NT5C2: variants seen among roughly 807,000 people sequenced by gnomAD.
NT5C2 encodes cytosolic purine 5'-nucleotidase.
A neutral mutation model predicts 76.1 loss-of-function variants in NT5C2; 58 were observed. The observed-to-expected ratio is 0.76, with a 90% CI of 0.62 to 0.95. The LOEUF (loss-of-function observed/expected upper bound fraction) is 0.95, where lower values mean the gene tolerates loss of function less well. Among genes scored for constraint, NT5C2 ranks in the 40% least tolerant of loss-of-function variants. The pLI, the probability that NT5C2 is intolerant of heterozygous loss-of-function variation, is 0.00. For missense variants in NT5C2, 478 were observed against 690.3 expected, an observed-to-expected ratio of 0.69 and a Z score of 3.45; for synonymous variants, 229 against 237.4, an observed-to-expected ratio of 0.96 and a Z score of 0.32.
At chr10:103,174,820 T>C (rs771649586) in intron 3 of NT5C2, 38 bp downstream of exon 3, 53 of 1,323,118 alleles carry the variant, frequency 4.0e-5, no homozygotes, top group Non-Finnish European at 5.1e-5. Context: ...TCCCACTTCA[T>C]AGAGGGGTTT....
chr10:103,128,048 TC>T (rs1565092205), intron 4 of NT5C2, among the ~76,000 whole-genome samples: 4 of 17,538 alleles, frequency 2.3e-4, no homozygotes, highest in Non-Finnish European at 6.5e-4. Context: ...ATCCGGTCTC[TC>T]CCTCTCCCTC....
At chr10:103,162,759 A>C (rs1177329323) in intron 3 of NT5C2, among the ~76,000 whole-genome samples, 1 of 152,180 alleles carries the variant, frequency 6.6e-6, no homozygotes, top group African/African-American at 2.4e-5. Context: ...CATTTATAAC[A>C]GCATTATTCT....
intron 3 of NT5C2, among the ~76,000 whole-genome samples, chr10:103,158,809 C>A: frequency 7.4e-6 from 1 of 136,028 alleles, no homozygotes. Flanking sequence ...CAGAGCGAGA[C>A]TCTTATCTAA....
chr10:103,179,752 T>C (rs946007850), intron 2 of NT5C2, among the ~76,000 whole-genome samples: 2 of 152,224 alleles, frequency 1.3e-5, no homozygotes, highest in South Asian at 4.1e-4. Flanking sequence ...AGGGTTGGCA[T>C]ATAACATCAT....
chr10:103,105,684 G>T (rs757814250), intron 6 of NT5C2, 22 bp downstream of exon 6: 2 of 1,472,762 alleles, frequency 1.4e-6, no homozygotes, highest in Admixed American at 3.4e-5. Flanking sequence ...TTAGAAAGAG[G>T]CTAAAGGTTC....
At chr10:103,172,606 C>A (rs942670215) in intron 3 of NT5C2, among the ~76,000 whole-genome samples, 1 of 151,880 alleles carries the variant, frequency 6.6e-6, no homozygotes, top group African/African-American at 2.4e-5. Context: ...GAGGCTGAGG[C>A]GGGTGGATCA....
chr10:103,119,871 G>A (rs2075299694), intron 4 of NT5C2, among the ~76,000 whole-genome samples: 1 of 152,134 alleles, frequency 6.6e-6, no homozygotes. Flanking sequence ...GGCTGAGGCT[G>A]GTGGACTGCT....
intron 2 of NT5C2, among the ~76,000 whole-genome samples, chr10:103,180,220 T>C (rs1353927922): frequency 6.6e-6 from 1 of 152,194 alleles, no homozygotes; most frequent in Non-Finnish European, 1.5e-5. Flanking sequence ...AATATGCCTA[T>C]TTGAATATTT....
chr10:103,129,900 C>CA (rs2077720723), intron 4 of NT5C2, among the ~76,000 whole-genome samples: 15 of 88,598 alleles, frequency 1.7e-4, no homozygotes, highest in East Asian at 1.0e-3. Context: ...GCCCCCCGCC[C>CA]GGCCAGCCGC....
intron 5 of NT5C2, among the ~76,000 whole-genome samples, chr10:103,106,364 C>CT (rs2071271728): frequency 6.6e-6 from 1 of 152,078 alleles, no homozygotes; most frequent in Non-Finnish European, 1.5e-5. Context: ...GTGGGTCTTC[C>CT]TCAGTTGCAA....
chr10:103,121,100 T>TA (rs1398324007), intron 4 of NT5C2, among the ~76,000 whole-genome samples: 2 of 152,142 alleles, frequency 1.3e-5, no homozygotes, highest in Admixed American at 1.3e-4. Context: ...CAAAATAAAT[T>TA]AGAGGTTACT....
chr10:103,129,945 C>CA (rs1288606727), intron 4 of NT5C2, among the ~76,000 whole-genome samples: 2 of 137,674 alleles, frequency 1.5e-5, no homozygotes, highest in African/African-American at 5.4e-5. Flanking sequence ...GGTCAGCCCC[C>CA]CCGCCCGGCC....
At chr10:103,146,091 AAG>A (rs1424789232) in intron 3 of NT5C2, 2 of 985,310 alleles carry the variant, frequency 2.0e-6, no homozygotes, top group East Asian at 2.3e-4. Context: ...CTAGTTCTTG[AAG>A]TCACATAACA....
chr10:103,184,627 C>CCGGACTGAGTA (rs2091772300), intron 1 of NT5C2, among the ~76,000 whole-genome samples: 1 of 152,122 alleles, frequency 6.6e-6, no homozygotes, highest in African/African-American at 2.4e-5. Flanking sequence ...CACATGGAGC[C>CCGGACTGAGTA]CTTTGCTTTT....
At chr10:103,181,366 AAAC>A (rs2091050330) in intron 1 of NT5C2, 38 bp from the exon 2 acceptor site, 1 of 151,980 alleles carries the variant, frequency 6.6e-6, no homozygotes, top group Non-Finnish European at 1.5e-5. Flanking sequence ...TTCACAGGCA[AAAC>A]ATGCACAGTC....
intron 3 of NT5C2, among the ~76,000 whole-genome samples, chr10:103,163,398 A>G (rs535812892): frequency 1.3e-5 from 2 of 152,296 alleles, no homozygotes; most frequent in African/African-American, 4.8e-5. Flanking sequence ...TTCACGAGCA[A>G]TGTATGAGAA....
chr10:103,093,900 C>G, intron 14 of NT5C2, 72 bp downstream of exon 14: 1 of 1,180,216 alleles, frequency 8.5e-7, no homozygotes, highest in Non-Finnish European at 1.3e-6. Flanking sequence ...TGGCACTTTG[C>G]TGAGAGATTA....
chr10:103,101,907 T>TC (rs958317001), intron 6 of NT5C2, among the ~76,000 whole-genome samples: 2 of 151,990 alleles, frequency 1.3e-5, no homozygotes, highest in Non-Finnish European at 2.9e-5. Context: ...GTGAAACTAG[T>TC]CCAACTTGGG....
chr10:103,128,943 C>T (rs1371859790), intron 4 of NT5C2, among the ~76,000 whole-genome samples: 1 of 105,124 alleles, frequency 9.5e-6, no homozygotes, highest in African/African-American at 3.5e-5. Context: ...GGAGCATCTC[C>T]GCCCGGCAGC....
Sources: allele counts gnomAD v4.1 joint callset (sites outside exome capture counted in the v4.1 genomes callset), GRCh38; gene constraint gnomAD v4.1.1; transcripts MANE v1.5; gene names NCBI Gene and HGNC (gene_info 2026-07-23, HGNC 2026-07-21).